The following VSTM2L variants were observed in gnomAD, a reference collection of about 807,000 sequenced individuals.
The protein encoded by VSTM2L is V-set and transmembrane domain containing 2 like, also known as V-set and transmembrane domain-containing protein 2-like protein.
Under a neutral mutation model 19.9 loss-of-function variants are expected in VSTM2L, and 9 were observed. The observed-to-expected ratio is 0.45, with a 90% confidence interval of 0.27 to 0.79. The LOEUF is 0.79. Ranked by LOEUF, VSTM2L falls within the 30% of genes least tolerant of loss-of-function variation. VSTM2L has a pLI of 0.15. For synonymous variants in VSTM2L, 127 were observed against 133.8 expected, an observed-to-expected ratio of 0.95 and a Z score of 0.35; for missense variants, 286 against 295.5, an observed-to-expected ratio of 0.97 and a Z score of 0.24.
chr20:37,926,473 G>A (rs538911300), intron 1 of VSTM2L, among the ~76,000 whole-genome samples: 1 of 152,264 alleles, frequency 6.6e-6, no homozygotes, highest in Admixed American at 6.5e-5. Flanking sequence ...AACCCGGGAG[G>A]CAGAGGTTGC....
intron 2 of VSTM2L, among the ~76,000 whole-genome samples, chr20:37,933,100 G>A (rs1429473889): frequency 1.3e-5 from 2 of 152,214 alleles, no homozygotes; most frequent in African/African-American, 2.4e-5. Flanking sequence ...GCAAAGGTGG[G>A]GAATGTGGGC....
chr20:37,910,332 G>A (rs987177140), intron 1 of VSTM2L, among the ~76,000 whole-genome samples: 11 of 152,336 alleles, frequency 7.2e-5, no homozygotes, highest in African/African-American at 2.6e-4. Context: ...TCCACAGTGT[G>A]GACATGACTT....
In VSTM2L at chr20:37,903,399, C is replaced by G. The variant is rs1467190837; in HGVS notation, c.49C>G (p.Leu17Val). The G allele has an allele frequency of 2.0e-6, 3 of 1,490,884 alleles. No homozygotes were observed. Among genetic ancestry groups the G allele is most frequent in the African/African-American group, 2.9e-5 (2 of 68,620 alleles). 92.4% of individuals were successfully genotyped at this position (1,490,884 alleles called of 1,614,324 possible). The change falls in exon 1 of 4, where the codon CTT (leucine) becomes GTT (valine). Residue 17 changes from leucine (L) to valine (V), a missense_variant. Coordinates refer to ENST00000373461, the MANE Select transcript of VSTM2L (RefSeq NM_080607.3). ...GCTGGGCGCCCTCCACTACCTGGCA[C>G]TTTTCCTGCAACTCGGCGGCGCCAC... ...VALGALHYLA[L>V]FLQLGGATRP...
At chr20:37,939,276 C>T (rs1266453126) in intron 3 of VSTM2L, among the ~76,000 whole-genome samples, 1 of 151,654 alleles carries the variant, frequency 6.6e-6, no homozygotes, top group Middle Eastern at 3.4e-3. Flanking sequence ...AGTGGTGGTG[C>T]GCACCTGTGG....
Position 37,944,983 on chromosome 20 carries a change from G to T in VSTM2L, c.*730G>T. ...CCCAGGCAGAGTTTTGCACCAGCAG[G>T]ACCCCTTTGAGGGCCTTCAAGGCTC... On this transcript the variant is annotated 3_prime_UTR_variant, in exon 4 of 4. Coordinates refer to ENST00000373461, the MANE Select transcript of VSTM2L (RefSeq NM_080607.3). The T allele has an allele frequency of 1.0e-6, 1 of 985,738 alleles. No individual in the cohort carries two copies. The highest frequency in any genetic ancestry group is 1.7e-5 in the African/African-American group (1 of 57,290). 61.1% of individuals were successfully genotyped at this position (985,738 alleles called of 1,614,324 possible).
chr20:37,910,362 A>G (rs2072773086), intron 1 of VSTM2L, among the ~76,000 whole-genome samples: 1 of 152,236 alleles, frequency 6.6e-6, no homozygotes, highest in African/African-American at 2.4e-5. Flanking sequence ...GGGGCATCCA[A>G]CAGGCTGCCC....
intron 1 of VSTM2L, among the ~76,000 whole-genome samples, chr20:37,907,923 C>T (rs532476127): frequency 1.3e-5 from 2 of 152,304 alleles, no homozygotes; most frequent in African/African-American, 2.4e-5. Flanking sequence ...CTGTTGGTAT[C>T]TCACCATCAA....
chr20:37,924,638 G>A (rs962265575), intron 1 of VSTM2L, among the ~76,000 whole-genome samples: 3 of 151,462 alleles, frequency 2.0e-5, no homozygotes, highest in African/African-American at 2.4e-5. Context: ...AAAACAAATA[G>A]TCTTTATTTC....
At chr20:37,908,929 G>A (rs2072764913) in intron 1 of VSTM2L, among the ~76,000 whole-genome samples, 1 of 152,200 alleles carries the variant, frequency 6.6e-6, no homozygotes, top group South Asian at 2.1e-4. Flanking sequence ...ACTCCAAGAG[G>A]AAAGACTGTT....
chr20:37,930,797 T>C (rs1476182053), intron 1 of VSTM2L, among the ~76,000 whole-genome samples: 1 of 151,976 alleles, frequency 6.6e-6, no homozygotes, highest in Non-Finnish European at 1.5e-5. Context: ...TGCCCTGAGA[T>C]GGTGGAGAAT....
intron 3 of VSTM2L, among the ~76,000 whole-genome samples, chr20:37,942,468 ACT>A (rs1248921091): frequency 2.0e-5 from 3 of 152,262 alleles, no homozygotes; most frequent in Admixed American, 6.5e-5. Context: ...GGTAACAGAG[ACT>A]CTGTCTCAAA....
chr20:37,933,932 ATGAC>A (rs926834880), intron 3 of VSTM2L, among the ~76,000 whole-genome samples: 5 of 152,220 alleles, frequency 3.3e-5, no homozygotes, highest in Non-Finnish European at 7.3e-5. Flanking sequence ...TTGGCCTATC[ATGAC>A]TGACTGAGTG....
At chr20:37,913,052 A>G (rs2072790168) in intron 1 of VSTM2L, among the ~76,000 whole-genome samples, 1 of 152,138 alleles carries the variant, frequency 6.6e-6, no homozygotes, top group East Asian at 1.9e-4. Flanking sequence ...TCAGGATTAC[A>G]CATACATATA....
rs200854659 is a variant in VSTM2L, at chr20:37,923,783, G to C, written c.122-7852G>C. Among the ~76,000 whole-genome samples the C allele has an allele frequency of 2.4e-4, 36 of 152,246 alleles. No homozygotes were observed. In the East Asian group the frequency reaches 5.0e-3, roughly 21 times the overall value. On this transcript the variant is annotated intron_variant, in intron 1 of 3. Coordinates refer to ENST00000373461, the MANE Select transcript of VSTM2L (RefSeq NM_080607.3). ...GGGCCGGGTTACAGGCTTCCACTTA[G>C]AGCCCTCTAGAACTGGGTTCAGTTT...
intron 3 of VSTM2L, among the ~76,000 whole-genome samples, chr20:37,942,052 C>T (rs889234993): frequency 6.6e-6 from 1 of 152,026 alleles, no homozygotes; most frequent in African/African-American, 2.4e-5. Flanking sequence ...AAAAAACACC[C>T]ACAGCAACTT....
At chr20:37,938,946 G>C (rs2072955940) in intron 3 of VSTM2L, among the ~76,000 whole-genome samples, 1 of 152,170 alleles carries the variant, frequency 6.6e-6, no homozygotes, top group African/African-American at 2.4e-5. Context: ...GCCTCGGAAA[G>C]ACATGAGAAG....
At chr20:37,912,712 G>T (rs1203368396) in intron 1 of VSTM2L, among the ~76,000 whole-genome samples, 1 of 152,158 alleles carries the variant, frequency 6.6e-6, no homozygotes, top group African/African-American at 2.4e-5. Context: ...AGTCAGAGCC[G>T]GGAGAGGGGG....
intron 1 of VSTM2L, among the ~76,000 whole-genome samples, chr20:37,904,373 C>T (rs1344440651): frequency 6.6e-6 from 1 of 152,228 alleles, no homozygotes; most frequent in African/African-American, 2.4e-5. Context: ...TGGGAAATCT[C>T]AACTCCAGCC....
chr20:37,903,443 G>T lies in VSTM2L; in HGVS notation c.93G>T (p.Ala31=). 1 of 1,485,350 alleles carries T rather than the reference G, an allele frequency of 6.7e-7. No individual in the cohort carries two copies. The highest frequency in any genetic ancestry group is 8.9e-7 in the Non-Finnish European group (1 of 1,124,262). 92.0% of individuals were successfully genotyped at this position (1,485,350 alleles called of 1,614,324 possible). ...LGGATRPAGH[A]PWDNHVSGHA... is the part of the protein sequence containing the mutation. Reference sequence around the variant, plus strand: ...GCGCCACGCGGCCCGCCGGCCACGCGCCCTGGGACAACCACGTCTCCGGCC... The same window carrying T: ...GCGCCACGCGGCCCGCCGGCCACGCTCCCTGGGACAACCACGTCTCCGGCC... The change falls in exon 1 of 4, where the codon GCG becomes GCT. Residue 31 remains alanine, a synonymous_variant. Transcript: ENST00000373461.
Sources: gnomAD v4.1 joint callset for allele counts (sites outside exome capture counted in the v4.1 genomes callset) on GRCh38, gnomAD v4.1.1 for gene constraint, MANE v1.5 for transcripts, NCBI Gene and HGNC (gene_info 2026-07-23, HGNC 2026-07-21) for gene names.